NRXN3: variants seen among roughly 807,000 people sequenced by gnomAD.
The protein encoded by NRXN3 is neurexin 3, also known as neurexin III.
Under a neutral mutation model 137.6 loss-of-function variants are expected in NRXN3, and 32 were observed. That is an observed-to-expected ratio of 0.23 (90% CI 0.18 to 0.31). The LOEUF is 0.31. Ranked by LOEUF, NRXN3 falls within the 10% of genes least tolerant of loss-of-function variation. NRXN3 has a pLI of 1.00. For missense variants in NRXN3, 1,574 were observed against 2,062.5 expected (o/e 0.76, Z 4.59); for synonymous variants, 798 against 784.5 (o/e 1.02, Z -0.29).
At chr14:78,809,483 T>C (rs2098897467) in intron 9 of NRXN3, among the ~76,000 whole-genome samples, 1 of 152,166 alleles carries the variant, frequency 6.6e-6, no homozygotes, top group African/African-American at 2.4e-5. Context: ...TGGGAGCCTT[T>C]GAATCACTAG....
At chr14:78,676,488 C>A (rs2098008471) in intron 6 of NRXN3, among the ~76,000 whole-genome samples, 2 of 151,924 alleles carry the variant, frequency 1.3e-5, no homozygotes, top group African/African-American at 2.4e-5. Context: ...TTTATGAAGG[C>A]TGAGAGAGGT....
chr14:78,761,628 G>T (rs183592697), intron 8 of NRXN3, among the ~76,000 whole-genome samples: 1 of 152,198 alleles, frequency 6.6e-6, no homozygotes, highest in East Asian at 1.9e-4. Context: ...TCTTATCAGG[G>T]TGCTAAAACT....
chr14:79,250,463 T>C (rs1304914965), intron 15 of NRXN3, among the ~76,000 whole-genome samples: 1 of 152,192 alleles, frequency 6.6e-6, no homozygotes, highest in Admixed American at 6.5e-5. Flanking sequence ...CTCTATGATA[T>C]GCTGAGAGCT....
chr14:78,470,394 T>C (rs1374948836), intron 4 of NRXN3, among the ~76,000 whole-genome samples: 1 of 152,128 alleles, frequency 6.6e-6, no homozygotes, highest in Non-Finnish European at 1.5e-5. Context: ...CCAAAGTTAT[T>C]GCTTCAAATA....
chr14:78,387,760 A>G (rs2090181309), intron 4 of NRXN3, among the ~76,000 whole-genome samples: 1 of 152,188 alleles, frequency 6.6e-6, no homozygotes, highest in African/African-American at 2.4e-5. Context: ...AGATATGGGA[A>G]GTGCAGGCGA....
intron 15 of NRXN3, among the ~76,000 whole-genome samples, chr14:79,019,449 G>A (rs1484280585): frequency 6.6e-6 from 1 of 152,190 alleles, no homozygotes; most frequent in Non-Finnish European, 1.5e-5. Flanking sequence ...GAAAGATAGT[G>A]ATAAGGGCTA....
At chr14:78,880,973 G>A (rs544688881) in intron 10 of NRXN3, among the ~76,000 whole-genome samples, 6 of 152,166 alleles carry the variant, frequency 3.9e-5, no homozygotes, top group African/African-American at 1.2e-4. Context: ...ATTAAATCAC[G>A]GGGGCAATTA....
intron 15 of NRXN3, among the ~76,000 whole-genome samples, chr14:79,267,435 T>C (rs1381984936): frequency 1.3e-5 from 2 of 151,822 alleles, no homozygotes; most frequent in Non-Finnish European, 2.9e-5. Context: ...CTTGGCTCAC[T>C]GCAACCTGCA....
At chr14:79,385,204 T>TCCCCCCCCCCCCCCCCC (rs557799323) in intron 15 of NRXN3, among the ~76,000 whole-genome samples, 1 of 90,504 alleles carries the variant, frequency 1.1e-5, no homozygotes, top group African/African-American at 3.5e-5. Context: ...ATGCTATCCT[T>TCCCCCCCCCCCCCCCCC]CCCCCCGCCC....
rs1395683288 is a variant in NRXN3, at chr14:79,563,663, T to A, written c.3444+96261T>A. 3.2e-4 allele frequency among the ~76,000 whole-genome samples: 46 copies of A among 142,212 alleles called. No individual in the cohort carries two copies. The East Asian group carries it at 9.1e-3, about 28-fold the overall frequency. The allele number at this position is 142,212 out of a possible 152,430, so 93.3% of individuals were successfully genotyped here. A position where few individuals can be genotyped will look rare whatever the true frequency, so the allele number is the denominator to read the frequency against. ...GGGATGAGCTTCCCACAAATAATGTTAAAAAAAAAAAAAAAAGGAGAAAGC... is the reference window on the plus strand; with the variant it reads ...GGGATGAGCTTCCCACAAATAATGTAAAAAAAAAAAAAAAAAGGAGAAAGC... On this transcript the variant is annotated intron_variant, in intron 16 of 20. Transcript: ENST00000335750.
At chr14:79,850,975 C>T (rs117675800) in intron 20 of NRXN3, among the ~76,000 whole-genome samples, 3,293 of 152,216 alleles carry the variant, frequency 0.022, 47 homozygotes, top group Middle Eastern at 0.044. Context: ...CCTAAATTTT[C>T]GTATATTCAA....
At chr14:78,875,353 A>T (rs866714403) in intron 10 of NRXN3, among the ~76,000 whole-genome samples, 2 of 152,194 alleles carry the variant, frequency 1.3e-5, no homozygotes, top group Non-Finnish European at 2.9e-5. Context: ...TGCTATAAAG[A>T]CAAAAATAAC....
At chr14:78,804,448 TG>T (rs2098848876) in intron 9 of NRXN3, among the ~76,000 whole-genome samples, 1 of 152,196 alleles carries the variant, frequency 6.6e-6, no homozygotes, top group Non-Finnish European at 1.5e-5. Flanking sequence ...ATGTGTCTCC[TG>T]ATACGTATAC....
intron 4 of NRXN3, among the ~76,000 whole-genome samples, chr14:78,418,235 A>C (rs1034740991): frequency 1.3e-5 from 2 of 152,170 alleles, no homozygotes; most frequent in Non-Finnish European, 2.9e-5. Flanking sequence ...ACACACATGG[A>C]TTTGAGACCC....
chr14:79,509,597 GTGTATATA>G (rs1233439621), intron 16 of NRXN3, among the ~76,000 whole-genome samples: 1 of 151,258 alleles, frequency 6.6e-6, no homozygotes, highest in African/African-American at 2.4e-5. Flanking sequence ...ATGTATATAT[GTGTATATA>G]TGTATATATG....
intron 15 of NRXN3, among the ~76,000 whole-genome samples, chr14:79,420,118 A>G (rs2095554638): frequency 6.6e-6 from 1 of 152,174 alleles, no homozygotes; most frequent in African/African-American, 2.4e-5. Context: ...AGTAGTAGGA[A>G]CTGAGAATGC....
intron 15 of NRXN3, among the ~76,000 whole-genome samples, chr14:79,127,730 T>G (rs1482907115): frequency 0.017 from 2,566 of 152,130 alleles, 71 homozygotes; most frequent in African/African-American, 0.058. Flanking sequence ...TTGGTAGCTT[T>G]ATGGGGATGG....
chr14:78,926,737 ATATATAT>A (rs1344965014), intron 10 of NRXN3, among the ~76,000 whole-genome samples: 2 of 65,764 alleles, frequency 3.0e-5, no homozygotes, highest in Non-Finnish European at 4.9e-5. Flanking sequence ...ATAATATAAA[ATATATAT>A]TATATATTAT....
chr14:78,442,522 G>A (rs985199859), intron 4 of NRXN3, among the ~76,000 whole-genome samples: 1 of 152,198 alleles, frequency 6.6e-6, no homozygotes, highest in African/African-American at 2.4e-5. Flanking sequence ...AGTTTCTGCT[G>A]TTCTAAGCCA....
Sources: allele counts gnomAD v4.1 joint callset (sites outside exome capture counted in the v4.1 genomes callset), GRCh38; gene constraint gnomAD v4.1.1; transcripts MANE v1.5; gene names NCBI Gene and HGNC (gene_info 2026-07-23, HGNC 2026-07-21).